The following ANKS1B variants were observed in gnomAD, a reference collection of about 807,000 sequenced individuals.
ANKS1B encodes ankyrin repeat and sterile alpha motif domain-containing protein 1B.
ANKS1B carries 36 observed loss-of-function variants against 148.3 expected under a neutral mutation model. The observed-to-expected ratio is 0.24, with a 90% CI of 0.19 to 0.32. The LOEUF (loss-of-function observed/expected upper bound fraction) is 0.32. Ranked by LOEUF, ANKS1B falls within the 10% of genes least tolerant of loss-of-function variation. The pLI, the probability that ANKS1B is intolerant of heterozygous loss-of-function variation, is 1.00. For missense variants in ANKS1B, 1,157 were observed against 1,542.6 expected (o/e 0.75, Z 4.19); for synonymous variants, 542 against 560.8 (o/e 0.97, Z 0.47).
chr12:99,442,546 T>G (rs970950406), intron 11 of ANKS1B, among the ~76,000 whole-genome samples: 9 of 151,820 alleles, frequency 5.9e-5, no homozygotes, highest in African/African-American at 2.2e-4. Flanking sequence ...AGTTGGACAA[T>G]GTAGCCCCTT....
intron 2 of ANKS1B, among the ~76,000 whole-genome samples, chr12:99,823,960 T>C (rs890957564): frequency 3.3e-5 from 5 of 152,216 alleles, no homozygotes; most frequent in African/African-American, 1.2e-4. Context: ...TCTGTTTTTG[T>C]ACCAGTACCA....
chr12:99,564,633 T>C (rs1219440901), intron 9 of ANKS1B, among the ~76,000 whole-genome samples: 1 of 152,122 alleles, frequency 6.6e-6, no homozygotes, highest in African/African-American at 2.4e-5. Context: ...TTTCTTCTTA[T>C]CCTAATAATG....
intron 16 of ANKS1B, among the ~76,000 whole-genome samples, chr12:99,075,712 G>A (rs2047621864): frequency 6.6e-6 from 1 of 150,902 alleles, no homozygotes; most frequent in Admixed American, 6.6e-5. Context: ...TATATTATCA[G>A]CATCTTGTGT....
chr12:99,201,505 G>T (rs1348922771), intron 14 of ANKS1B, among the ~76,000 whole-genome samples: 1 of 152,170 alleles, frequency 6.6e-6, no homozygotes, highest in Admixed American at 6.5e-5. Flanking sequence ...CTTATTTCTG[G>T]AACAGTTGAA....
At chr12:99,116,194 C>T (rs1045238507) in intron 15 of ANKS1B, among the ~76,000 whole-genome samples, 9 of 152,276 alleles carry the variant, frequency 5.9e-5, no homozygotes, top group African/African-American at 1.9e-4. Context: ...CTTAAAGACA[C>T]AACCTAAGAA....
At chr12:99,046,166 A>G (rs1435019546) in intron 17 of ANKS1B, among the ~76,000 whole-genome samples, 1 of 152,074 alleles carries the variant, frequency 6.6e-6, no homozygotes, top group Non-Finnish European at 1.5e-5. Flanking sequence ...AATAGACTAA[A>G]CAATACTCTG....
At chr12:99,252,903 T>C (rs964785222) in intron 12 of ANKS1B, among the ~76,000 whole-genome samples, 10 of 151,924 alleles carry the variant, frequency 6.6e-5, no homozygotes, top group Admixed American at 3.3e-4. Flanking sequence ...ACACCAAAGA[T>C]GTGAGGGAGA....
chr12:99,648,421 C>A (rs2098393704), intron 9 of ANKS1B: 1 of 1,614,072 alleles, frequency 6.2e-7, no homozygotes, highest in Non-Finnish European at 8.5e-7. Flanking sequence ...CCTCACACTA[C>A]CTGATGTCAT....
intron 14 of ANKS1B, among the ~76,000 whole-genome samples, chr12:99,192,563 T>G (rs1226992244): frequency 3.3e-5 from 5 of 152,200 alleles, no homozygotes; most frequent in Non-Finnish European, 4.4e-5. Context: ...GTTAGCATTT[T>G]AGAGATATAA....
intron 1 of ANKS1B, among the ~76,000 whole-genome samples, chr12:99,892,872 C>G (rs2093185069): frequency 6.6e-6 from 1 of 152,174 alleles, no homozygotes; most frequent in South Asian, 2.1e-4. Context: ...ATAGAGACTT[C>G]TTCCTCAGTT....
intron 9 of ANKS1B, among the ~76,000 whole-genome samples, chr12:99,554,452 G>A (rs1378212321): frequency 2.0e-5 from 3 of 152,144 alleles, no homozygotes; most frequent in Non-Finnish European, 4.4e-5. Flanking sequence ...GGGGGTAAAG[G>A]TGGAAGGTGG....
intron 12 of ANKS1B, among the ~76,000 whole-genome samples, chr12:99,278,580 C>A (rs1015741901): frequency 6.6e-6 from 1 of 152,120 alleles, no homozygotes; most frequent in African/African-American, 2.4e-5. Flanking sequence ...TCTTACACAT[C>A]CTTCAAGACC....
intron 8 of ANKS1B, among the ~76,000 whole-genome samples, chr12:99,770,286 A>G (rs1159742193): frequency 1.3e-5 from 2 of 152,210 alleles, no homozygotes; most frequent in African/African-American, 4.8e-5. Flanking sequence ...TATAGTCTAC[A>G]CACTGTGACT....
At chr12:99,309,643 A>G (rs905278038) in intron 12 of ANKS1B, among the ~76,000 whole-genome samples, 2 of 152,124 alleles carry the variant, frequency 1.3e-5, no homozygotes, top group Admixed American at 6.6e-5. Flanking sequence ...ACATGCATAT[A>G]AAATAAAATA....
intron 1 of ANKS1B, among the ~76,000 whole-genome samples, chr12:99,972,601 A>AG (rs1173650846): frequency 6.6e-6 from 1 of 152,206 alleles, no homozygotes; most frequent in African/African-American, 2.4e-5. Flanking sequence ...GCAGAGGTTC[A>AG]GGGGGCTTAA....
intron 1 of ANKS1B, among the ~76,000 whole-genome samples, chr12:99,882,422 T>A (rs1286816560): frequency 6.6e-6 from 1 of 152,054 alleles, no homozygotes; most frequent in Non-Finnish European, 1.5e-5. Context: ...TTCAGTGAAC[T>A]CCAAAAAGAA....
At chr12:99,508,440 C>T (rs886410191) in intron 9 of ANKS1B, among the ~76,000 whole-genome samples, 1 of 151,584 alleles carries the variant, frequency 6.6e-6, no homozygotes, top group African/African-American at 2.4e-5. Context: ...TTAAGGATAG[C>T]ATTTGCAGTT....
intron 8 of ANKS1B, among the ~76,000 whole-genome samples, chr12:99,664,229 G>C (rs914203218): frequency 6.6e-6 from 1 of 151,622 alleles, no homozygotes; most frequent in South Asian, 2.1e-4. Flanking sequence ...CTCCATGACA[G>C]ATCATTTTAT....
intron 8 of ANKS1B, among the ~76,000 whole-genome samples, chr12:99,691,327 G>C (rs7136599): frequency 2.0e-5 from 3 of 152,052 alleles, no homozygotes; most frequent in East Asian, 1.9e-4. Context: ...TCCTCACTAC[G>C]TATGCAAATT....
Sources: gnomAD v4.1 joint callset for allele counts (sites outside exome capture counted in the v4.1 genomes callset) on GRCh38, gnomAD v4.1.1 for gene constraint, MANE v1.5 for transcripts, NCBI Gene and HGNC (gene_info 2026-07-23, HGNC 2026-07-21) for gene names.